HEMK2: variants seen among roughly 807,000 people sequenced by gnomAD.
HEMK2 encodes the protein methyltransferase HEMK2.
the HEMK2 span, among the ~76,000 whole-genome samples, chr21:28,777,909 T>C: frequency 6.6e-6 from 1 of 152,222 alleles, no homozygotes; most frequent in African/African-American, 2.4e-5. Context: ...GATTTACTTA[T>C]AAGCAAGTCT....
At chr21:28,620,047 T>C in the HEMK2 span, among the ~76,000 whole-genome samples, 6 of 152,216 alleles carry the variant, frequency 3.9e-5, no homozygotes, top group African/African-American at 9.6e-5. Context: ...TCTTGCCTGA[T>C]TGCCCTGGCC....
chr21:28,675,029 A>C, the HEMK2 span, among the ~76,000 whole-genome samples: 4 of 152,246 alleles, frequency 2.6e-5, no homozygotes, highest in African/African-American at 9.6e-5. Context: ...CATAGCACCC[A>C]GTAACTAAAT....
At chr21:28,638,306 A>G in the HEMK2 span, among the ~76,000 whole-genome samples, 9 of 152,172 alleles carry the variant, frequency 5.9e-5, no homozygotes, top group African/African-American at 2.2e-4. Context: ...AAGGTTATGT[A>G]GAGGGTCACT....
chr21:28,885,302 C>A, the HEMK2 span: 1 of 1,588,782 alleles, frequency 6.3e-7, no homozygotes, highest in Non-Finnish European at 8.6e-7. Flanking sequence ...GGCGCCGCGG[C>A]CCACGTGCCC....
the HEMK2 span, among the ~76,000 whole-genome samples, chr21:28,708,217 A>T: frequency 6.8e-5 from 7 of 102,870 alleles, no homozygotes; most frequent in Non-Finnish European, 1.0e-4. Context: ...AGGAACTTTA[A>T]TGTAGTCAAA....
At chr21:28,831,252 C>A in the HEMK2 span, among the ~76,000 whole-genome samples, 2 of 151,728 alleles carry the variant, frequency 1.3e-5, no homozygotes, top group African/African-American at 4.8e-5. Flanking sequence ...CAAGACCAGC[C>A]TGGCCAAGAT....
the HEMK2 span, among the ~76,000 whole-genome samples, chr21:28,648,633 T>A: frequency 6.6e-6 from 1 of 152,158 alleles, no homozygotes; most frequent in Non-Finnish European, 1.5e-5. Flanking sequence ...AGTTCAACCT[T>A]GATCTTCTAT....
At chr21:28,800,697 C>G in the HEMK2 span, among the ~76,000 whole-genome samples, 2 of 152,044 alleles carry the variant, frequency 1.3e-5, no homozygotes, top group Non-Finnish European at 1.5e-5. Flanking sequence ...GATAAAGTAT[C>G]AAACAATGCC....
the HEMK2 span, among the ~76,000 whole-genome samples, chr21:28,725,661 G>A: frequency 6.6e-6 from 1 of 152,192 alleles, no homozygotes; most frequent in Non-Finnish European, 1.5e-5. Context: ...GTTACTGTCA[G>A]AAGCAATGCT....
chr21:28,609,663 A>T, the HEMK2 span, among the ~76,000 whole-genome samples: 15,018 of 150,220 alleles, frequency 0.1, 1,223 homozygotes, highest in African/African-American at 0.22. Flanking sequence ...AAAAAAAAAA[A>T]GATATAGGAT....
the HEMK2 span, among the ~76,000 whole-genome samples, chr21:28,642,120 C>T: frequency 4.6e-5 from 7 of 152,302 alleles, no homozygotes; most frequent in South Asian, 1.2e-3. Context: ...AGTAAATAGG[C>T]ACCTTCAGGA....
chr21:28,646,064 C>T, the HEMK2 span, among the ~76,000 whole-genome samples: 1 of 152,136 alleles, frequency 6.6e-6, no homozygotes, highest in Admixed American at 6.5e-5. Flanking sequence ...AAAGAAAAGG[C>T]TAATTATGAA....
chr21:28,589,415 A>G, the HEMK2 span, among the ~76,000 whole-genome samples: 3 of 152,154 alleles, frequency 2.0e-5, no homozygotes, highest in Non-Finnish European at 4.4e-5. Flanking sequence ...GTTGGGGGAG[A>G]AAGGTATTAC....
the HEMK2 span, among the ~76,000 whole-genome samples, chr21:28,672,628 C>A: frequency 6.6e-6 from 1 of 151,962 alleles, no homozygotes; most frequent in African/African-American, 2.4e-5. Flanking sequence ...CAGTGTACAC[C>A]CCTCCTTTAA....
At chr21:28,814,931 G>A in the HEMK2 span, among the ~76,000 whole-genome samples, 14 of 152,124 alleles carry the variant, frequency 9.2e-5, no homozygotes, top group African/African-American at 2.2e-4. Context: ...ACATGCACAC[G>A]TATGTTTACA....
At chr21:28,852,617 T>C in the HEMK2 span, among the ~76,000 whole-genome samples, 1 of 152,110 alleles carries the variant, frequency 6.6e-6, no homozygotes, top group Non-Finnish European at 1.5e-5. Flanking sequence ...TTGTCAGTAG[T>C]GTAGTGGGGT....
chr21:28,784,417 T>C, the HEMK2 span, among the ~76,000 whole-genome samples: 1 of 150,524 alleles, frequency 6.6e-6, no homozygotes, highest in African/African-American at 2.5e-5. Flanking sequence ...GTGCTCTGTG[T>C]CTAGCTAATC....
the HEMK2 span, among the ~76,000 whole-genome samples, chr21:28,704,557 CA>C: frequency 0.37 from 47,941 of 129,748 alleles, 8,944 homozygotes; most frequent in African/African-American, 0.51. Context: ...AAGGTTTTGG[CA>C]AAAAAAAAAA....
chr21:28,637,441 T>C, the HEMK2 span, among the ~76,000 whole-genome samples: 1 of 150,310 alleles, frequency 6.7e-6, no homozygotes, highest in South Asian at 2.1e-4. Flanking sequence ...TGCCTCTGCA[T>C]GTAACAGAAA....
Sources: allele counts gnomAD v4.1 joint callset (sites outside exome capture counted in the v4.1 genomes callset), GRCh38; gene constraint gnomAD v4.1.1; transcripts MANE v1.5; gene names NCBI Gene and HGNC (gene_info 2026-07-23, HGNC 2026-07-21).